Variants in CASK observed in about 807,000 individuals in gnomAD.
CASK encodes calcium/calmodulin dependent serine protein kinase, also known as peripheral plasma membrane protein CASK.
In CASK, 4 loss-of-function variants were observed where a neutral mutation model predicts 82.9. The observed-to-expected ratio is 0.05, with a 90% CI of 0.02 to 0.11. The LOEUF is 0.11. Among genes scored for constraint, CASK ranks in the 10% least tolerant of loss-of-function variants. CASK has a pLI of 1.00. For synonymous variants in CASK, 259 were observed against 253.5 expected (o/e 1.02, Z -0.20); for missense variants, 358 against 720.9 (o/e 0.50, Z 5.76).
intron 5 of CASK, among the ~76,000 whole-genome samples, chrX:41,709,006 T>TC (rs1462420722): frequency 6.3e-5 from 7 of 111,923 alleles, no homozygotes; most frequent in Non-Finnish European, 1.9e-5. Flanking sequence ...ATGAAAATAT[T>TC]AGAAACTATG....
chrX:41,724,411 A>G (rs1185614753), intron 5 of CASK: 1 of 112,801 alleles, frequency 8.9e-6, no homozygotes, highest in African/African-American at 3.2e-5. Context: ...TTAACTATGT[A>G]GACAGTCATT....
rs185509733 is a variant in CASK, at chrX:41,538,138, G to T, written c.2156-3165C>A. ...TGGGATTACAGGCATGAGCCGCTGC[G>T]CACAGCCTATTATTATTTTTAATGC... On this transcript the variant is annotated intron_variant, in intron 22 of 26. Transcript: ENST00000378163. 2.3e-4 allele frequency among the ~76,000 whole-genome samples: 26 copies of T among 111,022 alleles called. No homozygotes were observed. In the East Asian group the frequency reaches 2.5e-3, roughly 11 times the overall value.
chrX:41,904,866 C>T (rs1265350842), intron 1 of CASK, among the ~76,000 whole-genome samples: 1 of 111,541 alleles, frequency 9.0e-6, no homozygotes, highest in African/African-American at 3.3e-5. Flanking sequence ...TCCTGTGTTA[C>T]TTCACTCAGA....
chrX:41,724,034 C>G (rs2068211587), intron 5 of CASK: 1 of 112,092 alleles, frequency 8.9e-6, no homozygotes, highest in South Asian at 3.7e-4. Context: ...ATATTGTTCA[C>G]CACTTCCTCC....
At chrX:41,754,325 T>TGGAAGGTCAAGGCTGCA (rs768737833) in intron 3 of CASK, among the ~76,000 whole-genome samples, 6 of 110,744 alleles carry the variant, frequency 5.4e-5, no homozygotes, top group Admixed American at 9.6e-5. Context: ...TGCTTGAGCC[T>TGGAAGGTCAAGGCTGCA]GGAAGGTCAA....
intron 5 of CASK, among the ~76,000 whole-genome samples, chrX:41,680,472 C>T (rs768590911): frequency 1.9e-5 from 2 of 108,095 alleles, no homozygotes; most frequent in Non-Finnish European, 3.8e-5. Context: ...CAAAGCGAGA[C>T]TCTGTCTCAA....
At chrX:41,886,254 A>G (rs2072045573) in intron 1 of CASK, among the ~76,000 whole-genome samples, 1 of 111,800 alleles carries the variant, frequency 8.9e-6, no homozygotes, top group East Asian at 2.8e-4. Flanking sequence ...TTAACATCTC[A>G]CTATCAGCGG....
At chrX:41,833,679 G>A (rs955867458) in intron 2 of CASK, among the ~76,000 whole-genome samples, 1 of 111,630 alleles carries the variant, frequency 9.0e-6, no homozygotes, top group African/African-American at 3.3e-5. Flanking sequence ...CCAAGTATAC[G>A]GGAATAGATG....
intron 1 of CASK, among the ~76,000 whole-genome samples, chrX:41,873,785 CTTTTTTTTTT>C (rs781735208): frequency 2.3e-5 from 2 of 88,601 alleles, no homozygotes; most frequent in East Asian, 3.4e-4. Flanking sequence ...TTTGTTGTTC[CTTTTTTTTTT>C]TTTTTTTTTT....
intron 3 of CASK, among the ~76,000 whole-genome samples, chrX:41,753,923 A>C (rs1303905984): frequency 1.8e-5 from 2 of 112,296 alleles, no homozygotes; most frequent in African/African-American, 6.5e-5. Context: ...GCAATTAATA[A>C]ATCTAGAAAA....
intron 12 of CASK, among the ~76,000 whole-genome samples, chrX:41,605,107 G>T (rs1467072783): frequency 1.8e-5 from 2 of 111,840 alleles, no homozygotes; most frequent in Non-Finnish European, 3.8e-5. Context: ...TTTTTCTTAG[G>T]AACTTAATCC....
intron 12 of CASK, among the ~76,000 whole-genome samples, chrX:41,605,688 C>T (rs2065950171): frequency 9.0e-6 from 1 of 111,480 alleles, no homozygotes; most frequent in African/African-American, 3.3e-5. Context: ...ATGAAAGGCC[C>T]AATTTTTTTT....
chrX:41,611,954 G>A, intron 11 of CASK, among the ~76,000 whole-genome samples: 1 of 112,024 alleles, frequency 8.9e-6, no homozygotes, highest in East Asian at 2.8e-4. Flanking sequence ...GCCAGCCTCG[G>A]CCTCCCGAGG....
intron 21 of CASK, among the ~76,000 whole-genome samples, chrX:41,545,910 C>T (rs2065016674): frequency 9.1e-6 from 1 of 109,665 alleles, no homozygotes; most frequent in South Asian, 4.1e-4. Context: ...TCATCTTGAC[C>T]TCCTGGGTGC....
intron 1 of CASK, among the ~76,000 whole-genome samples, chrX:41,888,763 G>A (rs1329749439): frequency 3.2e-5 from 3 of 93,152 alleles, no homozygotes; most frequent in African/African-American, 1.1e-4. Context: ...ATATGTATGT[G>A]TATATATGTA....
At position 41,574,947 on chromosome X, in the gene CASK, G is replaced by GTTTATCAAAA. The variant is rs1474569858; in HGVS notation, c.1503+3383_1503+3392dup. ...GGTAGGTGAGCAATGTGAAAAACTG[G>GTTTATCAAAA]TTTATCAAAATGTTTCCAGTCCTAA... On this transcript the variant is annotated intron_variant, in intron 15 of 26. Coordinates refer to ENST00000378163, the MANE Select transcript of CASK (RefSeq NM_001367721.1). Among the ~76,000 whole-genome samples, 8 of 112,244 alleles carry GTTTATCAAAA rather than the reference G, an allele frequency of 7.1e-5. No homozygotes were observed. In the East Asian group the frequency reaches 2.2e-3, roughly 31 times the overall value.
chrX:41,884,367 T>A (rs2072010547), intron 1 of CASK, among the ~76,000 whole-genome samples: 1 of 111,713 alleles, frequency 9.0e-6, no homozygotes, highest in Non-Finnish European at 1.9e-5. Flanking sequence ...GGACTGTACA[T>A]CACCAAGAAA....
chrX:41,594,093 TG>T (rs1350422290), intron 12 of CASK, among the ~76,000 whole-genome samples: 2 of 112,000 alleles, frequency 1.8e-5, no homozygotes, highest in African/African-American at 6.5e-5. Flanking sequence ...CCAGTAGTCT[TG>T]GACTTTCAGC....
intron 11 of CASK, among the ~76,000 whole-genome samples, chrX:41,616,371 G>A (rs990542028): frequency 9.0e-6 from 1 of 111,360 alleles, no homozygotes; most frequent in Admixed American, 9.6e-5. Context: ...TCTAGATAGG[G>A]AACTGAGCTT....
Sources: allele counts gnomAD v4.1 joint callset (sites outside exome capture counted in the v4.1 genomes callset), GRCh38; gene constraint gnomAD v4.1.1; transcripts MANE v1.5; gene names NCBI Gene and HGNC (gene_info 2026-07-23, HGNC 2026-07-21).